Variants in AP2B1 observed in about 807,000 individuals in gnomAD.
AP2B1 encodes AP-2 complex subunit beta.
AP2B1 carries 23 observed loss-of-function variants against 102.0 expected under a neutral mutation model. That is an observed-to-expected ratio of 0.23 (90% CI 0.16 to 0.32). The LOEUF is 0.32. AP2B1 is among the 10% of genes least tolerant of loss of function. The pLI, the probability that AP2B1 is intolerant of heterozygous loss-of-function variation, is 1.00. For missense variants in AP2B1, 541 were observed against 1,157.4 expected (o/e 0.47, Z 7.73); for synonymous variants, 381 against 421.2 (o/e 0.90, Z 1.17).
chr17:35,715,299 A>AAG (rs1194771983), intron 20 of AP2B1, among the ~76,000 whole-genome samples: 5 of 152,134 alleles, frequency 3.3e-5, no homozygotes, highest in African/African-American at 4.8e-5. Flanking sequence ...GAGTGAGAAT[A>AAG]AGAGAGAGAG....
chr17:35,707,891 C>G (rs1355834431), intron 18 of AP2B1, among the ~76,000 whole-genome samples: 2 of 152,226 alleles, frequency 1.3e-5, no homozygotes, highest in Non-Finnish European at 2.9e-5. Context: ...AGGTCACAAA[C>G]TCCTAGCCTT....
At chr17:35,701,717 C>T (rs1598324193) in intron 18 of AP2B1, among the ~76,000 whole-genome samples, 2 of 152,320 alleles carry the variant, frequency 1.3e-5, no homozygotes, top group East Asian at 3.9e-4. Context: ...CTCCTATCCT[C>T]TTATCCTCGT....
In AP2B1 at chr17:35,657,522, T is replaced by C; in HGVS notation, c.1797-77T>C. 3 of 1,199,094 alleles carry C rather than the reference T, an allele frequency of 2.5e-6. No individual in the cohort carries two copies. In the South Asian group the frequency reaches 4.5e-5, roughly 18 times the overall value. The allele number at this position is 1,199,094 out of a possible 1,614,324, so 74.3% of individuals were successfully genotyped here. A position where few individuals can be genotyped will look rare whatever the true frequency, so the allele number is the denominator to read the frequency against. ...TGATAGTTATATATAGCTATATGTT[T>C]CACTGTTGTTGCGATGTTATGTCCT... On this transcript the variant is annotated intron_variant, in intron 13 of 21. Transcript: ENST00000610402.
chr17:35,684,876 C>T (rs957977895), intron 18 of AP2B1, among the ~76,000 whole-genome samples: 2 of 151,968 alleles, frequency 1.3e-5, no homozygotes, highest in Non-Finnish European at 2.9e-5. Context: ...AAATTTTCTG[C>T]TCTTAAAATG....
chr17:35,710,892 A>AC (rs1482060614), intron 20 of AP2B1, among the ~76,000 whole-genome samples: 1 of 152,078 alleles, frequency 6.6e-6, no homozygotes, highest in African/African-American at 2.4e-5. Context: ...ACATAGTGAG[A>AC]CCCCATCTCT....
At chr17:35,678,995 A>T (rs1402266287) in intron 17 of AP2B1, among the ~76,000 whole-genome samples, 1 of 151,584 alleles carries the variant, frequency 6.6e-6, no homozygotes, top group Non-Finnish European at 1.5e-5. Context: ...TTTTTCAAGT[A>T]TGTTTTGTTT....
intron 21 of AP2B1, among the ~76,000 whole-genome samples, chr17:35,719,070 A>G (rs2085275267): frequency 6.6e-6 from 1 of 152,182 alleles, no homozygotes; most frequent in Non-Finnish European, 1.5e-5. Flanking sequence ...ATTTTGAAAT[A>G]AAGACTTAAC....
chr17:35,601,858 AC>A (rs1233773959), intron 3 of AP2B1, among the ~76,000 whole-genome samples: 1 of 150,134 alleles, frequency 6.7e-6, no homozygotes, highest in Non-Finnish European at 1.5e-5. Context: ...GCTCACTGCA[AC>A]CCCCGACTCC....
At chr17:35,628,799 G>A (rs927766401) in intron 9 of AP2B1, among the ~76,000 whole-genome samples, 1 of 152,032 alleles carries the variant, frequency 6.6e-6, no homozygotes, top group Non-Finnish European at 1.5e-5. Flanking sequence ...CATTATCATG[G>A]TAGATTGAAA....
At chr17:35,685,737 T>C (rs1260903881) in intron 18 of AP2B1, among the ~76,000 whole-genome samples, 1 of 152,198 alleles carries the variant, frequency 6.6e-6, no homozygotes. Context: ...TGAAACACTA[T>C]TTAAAAATTT....
At chr17:35,606,100 G>A (rs2073665213) in intron 4 of AP2B1, among the ~76,000 whole-genome samples, 1 of 152,166 alleles carries the variant, frequency 6.6e-6, no homozygotes, top group Admixed American at 6.5e-5. Context: ...GCTGACAAAG[G>A]TGGGCATATC....
chr17:35,670,801 G>A lies in AP2B1; in HGVS notation c.1990-56G>A, dbSNP rs911402796. On this transcript the variant is annotated intron_variant, in intron 14 of 21. Coordinates refer to ENST00000610402, the MANE Select transcript of AP2B1 (RefSeq NM_001030006.2). ...TTTACAGATTCTATATGGGCATCTAGTATTTAGCTAAATGAACTCTACCTC... is the reference window on the plus strand; with the variant it reads ...TTTACAGATTCTATATGGGCATCTAATATTTAGCTAAATGAACTCTACCTC... 9.6e-6 allele frequency: 15 copies of A among 1,556,360 alleles called. No homozygotes were observed. In the East Asian group the frequency reaches 2.2e-4, roughly 23 times the overall value.
intron 4 of AP2B1, chr17:35,607,911 C>G (rs879925094): frequency 1.9e-6 from 1 of 516,582 alleles, no homozygotes; most frequent in African/African-American, 1.9e-5. Flanking sequence ...TCCTGCTGAG[C>G]TGTTTCTCAT....
At chr17:35,648,186 A>G (rs1480951049) in intron 12 of AP2B1, among the ~76,000 whole-genome samples, 5 of 152,190 alleles carry the variant, frequency 3.3e-5, no homozygotes, top group Middle Eastern at 3.2e-3. Flanking sequence ...GTACCAGGAT[A>G]TTTATTGCCA....
At chr17:35,600,257 A>G (rs910788448) in intron 3 of AP2B1, among the ~76,000 whole-genome samples, 59 of 151,912 alleles carry the variant, frequency 3.9e-4, no homozygotes, top group South Asian at 1.0e-3. Flanking sequence ...TAATTTTTGT[A>G]TTTTTAGTAG....
At chr17:35,606,797 TATC>T (rs1018467123) in intron 4 of AP2B1, among the ~76,000 whole-genome samples, 1 of 152,188 alleles carries the variant, frequency 6.6e-6, no homozygotes, top group African/African-American at 2.4e-5. Context: ...ATAACCACAA[TATC>T]ATCATGTCTT....
chr17:35,648,743 A>AGTGTGTGT (rs10668040), intron 12 of AP2B1, among the ~76,000 whole-genome samples: 41,925 of 148,364 alleles, frequency 0.28, 5,816 homozygotes, highest in Admixed American at 0.32. Context: ...ATATGAAATA[A>AGTGTGTGT]GTGTGTGTGT....
chr17:35,671,575 G>A (rs1383298515), intron 15 of AP2B1, among the ~76,000 whole-genome samples, 179 bp from the exon 16 acceptor site: 5 of 152,050 alleles, frequency 3.3e-5, no homozygotes, highest in African/African-American at 1.2e-4. Flanking sequence ...TATCAATGAC[G>A]AAAAAATAAC....
Position 35,657,787 on chromosome 17 carries a change from G to T in AP2B1, c.1985G>T (p.Ser662Ile). The T allele has an allele frequency of 6.2e-7, 1 of 1,610,602 alleles. No individual in the cohort carries two copies. The highest frequency in any genetic ancestry group is 8.5e-7 in the Non-Finnish European group (1 of 1,178,492). ...AVDLLGGGLDSLLGSDLGGGI... is the reference protein window; with the variant it reads ...AVDLLGGGLDILLGSDLGGGI... ...GATCTCCTAGGAGGAGGACTAGATA[G>T]TCTGGTAAGCATCTTTCTTCCCTTG... The change falls in exon 14 of 22, where the codon AGT becomes ATT. Residue 662 changes from serine to isoleucine, a missense_variant. By Grantham distance (142) the Ser-to-Ile change is moderately radical. This residue lies in a region of AP2B1 where 27 missense variants were observed against 84.1 expected (regional missense o/e 0.32). Transcript: ENST00000610402.
Sources: allele counts gnomAD v4.1 joint callset (sites outside exome capture counted in the v4.1 genomes callset), GRCh38; gene constraint gnomAD v4.1.1; regional missense constraint gnomAD v4.1.1; transcripts MANE v1.5; gene names NCBI Gene and HGNC (gene_info 2026-07-23, HGNC 2026-07-21).